Variants in OXSR1 observed in about 807,000 individuals in gnomAD.
The protein encoded by OXSR1 is serine/threonine-protein kinase OSR1.
Under a neutral mutation model 79.8 loss-of-function variants are expected in OXSR1, and 24 were observed. The observed-to-expected ratio is 0.30, with a 90% confidence interval of 0.22 to 0.42. The LOEUF (loss-of-function observed/expected upper bound fraction) is 0.42, where lower values mean the gene tolerates loss of function less well. Ranked by LOEUF, OXSR1 falls within the 10% of genes least tolerant of loss-of-function variation. OXSR1 has a pLI of 1.00. For synonymous variants in OXSR1, 226 were observed against 209.2 expected (o/e 1.08, Z -0.69); for missense variants, 430 against 618.4 (o/e 0.70, Z 3.23).
intron 3 of OXSR1, chr3:38,193,267 T>G: frequency 7.8e-7 from 1 of 1,289,600 alleles, no homozygotes; most frequent in Non-Finnish European, 1.0e-6. Context: ...CACCTTTTTG[T>G]TTCAATCCCA....
rs76098030 is a variant in OXSR1, at chr3:38,191,715, A to G, written c.292+876A>G. On this transcript the variant is annotated intron_variant, in intron 3 of 17. Coordinates refer to ENST00000311806, the MANE Select transcript of OXSR1 (RefSeq NM_005109.3). ...AAGATTAGGACAGCCAGGGCTCTCC[A>G]TGGAAAAGGTAACATTTCCCCCTTT... is the stretch of plus-strand genomic sequence containing the variant. Among the ~76,000 whole-genome samples, 10 of 151,742 alleles carry G rather than the reference A, an allele frequency of 6.6e-5. No homozygotes were observed. In the East Asian group the frequency reaches 1.7e-3, roughly 26 times the overall value.
At chr3:38,171,999 T>C (rs1393254272) in intron 1 of OXSR1, among the ~76,000 whole-genome samples, 3 of 152,188 alleles carry the variant, frequency 2.0e-5, no homozygotes, top group Admixed American at 6.5e-5. Context: ...GTGGGGAGAA[T>C]AGTACCTATG....
chr3:38,190,864 A>G (rs746816980), intron 3 of OXSR1, 25 bp downstream of exon 3: 33 of 1,221,166 alleles, frequency 2.7e-5, no homozygotes, highest in Admixed American at 1.1e-4. Context: ...AGGAAATGCT[A>G]TAAGTACCAT....
intron 1 of OXSR1, among the ~76,000 whole-genome samples, chr3:38,174,469 C>T (rs1198391037): frequency 6.6e-6 from 1 of 152,168 alleles, no homozygotes; most frequent in African/African-American, 2.4e-5. Flanking sequence ...GTAATCCCAG[C>T]TACTCGGGAG....
At chr3:38,203,873 G>GTGATCTAC (rs1702216844) in intron 4 of OXSR1, among the ~76,000 whole-genome samples, 1 of 152,180 alleles carries the variant, frequency 6.6e-6, no homozygotes, top group Non-Finnish European at 1.5e-5. Flanking sequence ...CTAGGGCTCT[G>GTGATCTAC]CAATCAGCAG....
intron 8 of OXSR1, among the ~76,000 whole-genome samples, chr3:38,228,062 T>G (rs1036700777): frequency 3.9e-5 from 6 of 152,344 alleles, no homozygotes; most frequent in African/African-American, 9.6e-5. Context: ...GGCTATTTAG[T>G]GTAGCCTGTT....
At chr3:38,168,287 A>G (rs990163897) in intron 1 of OXSR1, among the ~76,000 whole-genome samples, 11 of 152,230 alleles carry the variant, frequency 7.2e-5, no homozygotes, top group African/African-American at 2.7e-4. Flanking sequence ...AACTATCACC[A>G]TAATCCAGTT....
chr3:38,164,820 G>A (rs915815513), upstream of OXSR1, among the ~76,000 whole-genome samples: 1 of 152,150 alleles, frequency 6.6e-6, no homozygotes, highest in Non-Finnish European at 1.5e-5. Context: ...GGGTGGACCC[G>A]CGAGAGACAG....
intron 14 of OXSR1, among the ~76,000 whole-genome samples, 200 bp from the exon 15 acceptor site, chr3:38,249,766 A>G (rs1043483387): frequency 5.3e-5 from 8 of 152,192 alleles, no homozygotes; most frequent in African/African-American, 9.6e-5. Context: ...CATAGATTCA[A>G]AGGGTTGTAG....
At chr3:38,164,828 C>G (rs987174838), upstream of OXSR1, among the ~76,000 whole-genome samples, 4 of 152,188 alleles carry the variant, frequency 2.6e-5, no homozygotes, top group Admixed American at 2.6e-4. Flanking sequence ...CCGCGAGAGA[C>G]AGCGCCGCGA....
chr3:38,179,825 C>T (rs557589806), intron 1 of OXSR1, among the ~76,000 whole-genome samples: 3 of 150,432 alleles, frequency 2.0e-5, no homozygotes, highest in South Asian at 4.2e-4. Context: ...TTTTTTTTCC[C>T]CAAAATAGAA....
At chr3:38,194,703 C>T (rs1041967928) in intron 3 of OXSR1, among the ~76,000 whole-genome samples, 3 of 152,116 alleles carry the variant, frequency 2.0e-5, no homozygotes, top group African/African-American at 7.2e-5. Flanking sequence ...GACAGATTCA[C>T]AGCTGGAGCA....
At chr3:38,205,096 G>A (rs1035699468) in intron 4 of OXSR1, among the ~76,000 whole-genome samples, 3 of 152,032 alleles carry the variant, frequency 2.0e-5, no homozygotes, top group Non-Finnish European at 4.4e-5. Context: ...TGGCAGAGCA[G>A]CACTGAGTTC....
chr3:38,240,885 A>T (rs1191451984), intron 11 of OXSR1, among the ~76,000 whole-genome samples: 2 of 152,210 alleles, frequency 1.3e-5, no homozygotes, highest in African/African-American at 4.8e-5. Flanking sequence ...GGGAAAAGGA[A>T]TGGTTCTTCA....
Position 38,229,214 on chromosome 3 carries a change from G to T in OXSR1, c.837-473G>T, listed in dbSNP as rs1370031497. On this transcript the variant is annotated intron_variant, in intron 8 of 17. Transcript: ENST00000311806. ...TGAAATCTGTTTTTAGGGATCTGTG[G>T]TTACCTAAATTGAAGGCTGGCAGGC... Among the ~76,000 whole-genome samples, 36 of 152,192 alleles carry T rather than the reference G, an allele frequency of 2.4e-4. 1 individual carries two copies. Among genetic ancestry groups the T allele is most frequent in the Admixed American group, 2.2e-3 (34 of 15,278 alleles).
rs1361133122 is a variant in OXSR1, at chr3:38,224,710, A to G, written c.836+6A>G. The stretch of plus-strand genomic sequence containing the variant: ...CAAAAAGATCCAGAAAAAAGGTAAA[A>G]TATGAGAAAAAGTCTACTTTTCTCT... On this transcript the variant is annotated splice_donor_region_variant and intron_variant, in intron 8 of 17. Coordinates refer to ENST00000311806, the MANE Select transcript of OXSR1 (RefSeq NM_005109.3). 6.5e-7 allele frequency: 1 copy of G among 1,537,122 alleles called. No individual in the cohort carries two copies.
At chr3:38,252,421 A>G (rs376096741) in intron 17 of OXSR1, 29 bp downstream of exon 17, 150 of 1,498,760 alleles carry the variant, frequency 1.0e-4, no homozygotes, top group Middle Eastern at 1.7e-4. Context: ...TTGTGAAAAC[A>G]TCTTGCCTTT....
chr3:38,172,122 A>G (rs577494381), intron 1 of OXSR1, among the ~76,000 whole-genome samples: 11 of 152,260 alleles, frequency 7.2e-5, no homozygotes, highest in African/African-American at 2.6e-4. Flanking sequence ...CCTTGTCCTC[A>G]TATTTCCCAA....
chr3:38,215,285 G>A (rs1702461384), intron 4 of OXSR1, among the ~76,000 whole-genome samples: 1 of 152,136 alleles, frequency 6.6e-6, no homozygotes, highest in South Asian at 2.1e-4. Context: ...GTTGCTGGCT[G>A]TTACTAGTTT....
Sources: gnomAD v4.1 joint callset for allele counts (sites outside exome capture counted in the v4.1 genomes callset) on GRCh38, gnomAD v4.1.1 for gene constraint, MANE v1.5 for transcripts, NCBI Gene and HGNC (gene_info 2026-07-23, HGNC 2026-07-21) for gene names.